Variants in PRKCB observed in about 807,000 individuals in gnomAD.
PRKCB encodes protein kinase C beta.
PRKCB carries 13 observed loss-of-function variants against 81.5 expected under a neutral mutation model. That is an observed-to-expected ratio of 0.16 (90% CI 0.10 to 0.25). The LOEUF is 0.25. Ranked by LOEUF, PRKCB falls within the 10% of genes least tolerant of loss-of-function variation. The pLI, the probability that PRKCB is intolerant of heterozygous loss-of-function variation, is 1.00. For synonymous variants in PRKCB, 335 were observed against 321.4 expected (o/e 1.04, Z -0.45); for missense variants, 509 against 875.7 (o/e 0.58, Z 5.29).
intron 7 of PRKCB, among the ~76,000 whole-genome samples, chr16:24,103,317 T>A (rs945859143): frequency 4.6e-5 from 7 of 152,246 alleles, no homozygotes; most frequent in African/African-American, 1.7e-4. Context: ...GCATTTTTTT[T>A]AACCCCTAGA....
At chr16:24,050,259 A>G (rs958283521) in intron 5 of PRKCB, among the ~76,000 whole-genome samples, 2 of 152,274 alleles carry the variant, frequency 1.3e-5, no homozygotes, top group East Asian at 3.9e-4. Flanking sequence ...CCTCAAACAC[A>G]TGATAGGGCC....
intron 5 of PRKCB, among the ~76,000 whole-genome samples, chr16:24,057,557 G>A (rs941112179): frequency 1.2e-4 from 18 of 152,118 alleles, no homozygotes; most frequent in Admixed American, 8.5e-4. Flanking sequence ...TTCTTTACAC[G>A]CTGAGTATTT....
chr16:24,015,780 C>T (rs1965270015), intron 3 of PRKCB, among the ~76,000 whole-genome samples: 1 of 152,154 alleles, frequency 6.6e-6, no homozygotes, highest in African/African-American at 2.4e-5. Context: ...CCCAACTAGA[C>T]TGACATAGGG....
chr16:24,185,357 G>A, intron 14 of PRKCB, 103 bp from the exon 15 acceptor site: 1 of 1,240,164 alleles, frequency 8.1e-7, no homozygotes, highest in South Asian at 1.3e-5. Context: ...CTGGGTGTGT[G>A]GCTTCACTGT....
chr16:24,153,592 T>C (rs1967110103), intron 9 of PRKCB, among the ~76,000 whole-genome samples: 3 of 152,178 alleles, frequency 2.0e-5, no homozygotes, highest in Admixed American at 6.5e-5. Flanking sequence ...AATCTGCTGG[T>C]CATTGTTCTG....
chr16:24,130,670 G>C (rs371061850), intron 9 of PRKCB, among the ~76,000 whole-genome samples: 3 of 152,314 alleles, frequency 2.0e-5, no homozygotes, highest in South Asian at 4.1e-4. Context: ...TCCATATGGT[G>C]ATTGGGGACA....
chr16:24,189,234 T>A (rs894535181), intron 15 of PRKCB, among the ~76,000 whole-genome samples: 1 of 152,226 alleles, frequency 6.6e-6, no homozygotes, highest in Non-Finnish European at 1.5e-5. Context: ...CTGGAGTCCT[T>A]ACTGTTCCTC....
intron 13 of PRKCB, among the ~76,000 whole-genome samples, chr16:24,184,535 G>A (rs1967674340): frequency 6.6e-6 from 1 of 152,042 alleles, no homozygotes; most frequent in African/African-American, 2.4e-5. Flanking sequence ...TACACACAGA[G>A]TTTAATATGT....
intron 16 of PRKCB, among the ~76,000 whole-genome samples, chr16:24,198,178 G>A (rs78929301): frequency 0.11 from 16,686 of 152,272 alleles, 1,100 homozygotes; most frequent in South Asian, 0.2. Context: ...TATTGCAGAA[G>A]TGGTAGTACA....
intron 2 of PRKCB, among the ~76,000 whole-genome samples, chr16:23,966,258 C>G (rs1233863164): frequency 6.6e-6 from 1 of 152,192 alleles, no homozygotes; most frequent in Non-Finnish European, 1.5e-5. Flanking sequence ...GACTGGAGCC[C>G]TGGAGACTTT....
At chr16:24,024,243 A>G (rs1965446930) in intron 3 of PRKCB, among the ~76,000 whole-genome samples, 1 of 152,216 alleles carries the variant, frequency 6.6e-6, no homozygotes, top group Non-Finnish European at 1.5e-5. Context: ...GATCTCACTT[A>G]GATGTGGAAT....
intron 2 of PRKCB, among the ~76,000 whole-genome samples, chr16:23,885,880 C>A (rs1242684436): frequency 6.6e-6 from 1 of 152,116 alleles, no homozygotes; most frequent in Non-Finnish European, 1.5e-5. Flanking sequence ...AGTAAGGTGG[C>A]CTTGGCCTTA....
At chr16:23,902,728 T>TCCTCCCTCCCTCCCCCCCTC (rs1482776399) in intron 2 of PRKCB, among the ~76,000 whole-genome samples, 1 of 20,340 alleles carries the variant, frequency 4.9e-5, no homozygotes, top group Non-Finnish European at 8.3e-5. Context: ...CTCCCTCCCT[T>TCCTCCCTCCCTCCCCCCCTC]CCTCCCTTCC....
chr16:24,206,439 T>C (rs993657549), intron 16 of PRKCB, among the ~76,000 whole-genome samples: 1 of 152,174 alleles, frequency 6.6e-6, no homozygotes, highest in East Asian at 1.9e-4. Flanking sequence ...TGTCCTGGTG[T>C]CTTGATGGAG....
intron 16 of PRKCB, among the ~76,000 whole-genome samples, chr16:24,196,576 A>G (rs981706401): frequency 1.1e-4 from 17 of 152,322 alleles, no homozygotes; most frequent in African/African-American, 3.8e-4. Flanking sequence ...TACAGATGCC[A>G]TGATGTAGCC....
intron 2 of PRKCB, among the ~76,000 whole-genome samples, chr16:23,912,615 C>T (rs745505504): frequency 5.0e-5 from 7 of 140,732 alleles, no homozygotes; most frequent in East Asian, 4.2e-4. Context: ...TGGGTTCCAG[C>T]GATTCTCCTG....
chr16:23,899,077 C>T (rs1423145724), intron 2 of PRKCB, among the ~76,000 whole-genome samples: 1 of 152,176 alleles, frequency 6.6e-6, no homozygotes, highest in Non-Finnish European at 1.5e-5. Flanking sequence ...GCCTTGGACC[C>T]TGTTGATGAT....
In PRKCB at chr16:23,847,551, ACCAT is replaced by A. The variant is rs1055062679; in HGVS notation, c.205+10168_205+10171del. Among the ~76,000 whole-genome samples the A allele has an allele frequency of 2.1e-3, 141 of 68,366 alleles. 1 individual carries two copies. The highest frequency in any genetic ancestry group is 8.1e-3 in the African/African-American group (135 of 16,770). The allele number at this position is 68,366 out of a possible 152,430, so 44.9% of individuals were successfully genotyped here. ...AGCTATTCTTCCATTCATCCATCCAACCATCCATCCATCCATCCATCCATCCGTC... is the reference window on the plus strand; with the variant it reads ...AGCTATTCTTCCATTCATCCATCCAACCATCCATCCATCCATCCATCCGTC... On this transcript the variant is annotated intron_variant, in intron 2 of 16. Coordinates refer to ENST00000643927, the MANE Select transcript of PRKCB (RefSeq NM_002738.7).
At chr16:23,922,561 C>G (rs1176361440) in intron 2 of PRKCB, among the ~76,000 whole-genome samples, 2 of 152,102 alleles carry the variant, frequency 1.3e-5, no homozygotes, top group Non-Finnish European at 2.9e-5. Context: ...GTGATGATAG[C>G]ATGTGAAAGA....
Sources: gnomAD v4.1 joint callset for allele counts (sites outside exome capture counted in the v4.1 genomes callset) on GRCh38, gnomAD v4.1.1 for gene constraint, MANE v1.5 for transcripts, NCBI Gene and HGNC (gene_info 2026-07-23, HGNC 2026-07-21) for gene names.